ACTN2: variants seen among roughly 807,000 people sequenced by gnomAD.
ACTN2 encodes alpha-actinin-2.
A neutral mutation model predicts 113.8 loss-of-function variants in ACTN2; 39 were observed. The observed-to-expected ratio is 0.34, with a 90% confidence interval of 0.27 to 0.45. The LOEUF (loss-of-function observed/expected upper bound fraction) is 0.45, where lower values mean the gene tolerates loss of function less well. Among genes scored for constraint, ACTN2 ranks in the 20% least tolerant of loss-of-function variants. The probability of loss-of-function intolerance (pLI) is 1.00; values close to 1 mark genes in which losing one functional copy is unlikely to be tolerated. For missense variants in ACTN2, 992 were observed against 1,177.9 expected (o/e 0.84, Z 2.31); for synonymous variants, 429 against 444.1 (o/e 0.97, Z 0.43).
In ACTN2 at chr1:236,710,901, C is replaced by A. The variant is rs574719412; in HGVS notation, c.127-6957C>A. On this transcript the variant is annotated intron_variant, in intron 1 of 20. Coordinates refer to ENST00000366578, the MANE Select transcript of ACTN2 (RefSeq NM_001103.4). ...GAAACCATCCCCCTTCCCTACCCCC[C>A]ACCCGTGGAAAAATTGTCTTCCACG... Among the ~76,000 whole-genome samples, 11 of 152,278 alleles carry A rather than the reference C, an allele frequency of 7.2e-5. No homozygotes were observed. The East Asian group carries it at 1.5e-3, about 21-fold the overall frequency.
intron 1 of ACTN2, among the ~76,000 whole-genome samples, chr1:236,703,161 G>A (rs918240023): frequency 2.0e-5 from 3 of 152,124 alleles, no homozygotes; most frequent in African/African-American, 4.8e-5. Context: ...CATCTTGCAC[G>A]TAATTACCCA....
rs534230972 is a variant in ACTN2, at chr1:236,730,031, C to T, written c.616-1202C>T. Among the ~76,000 whole-genome samples the T allele has an allele frequency of 1.1e-3, 166 of 152,348 alleles. 1 individual carries two copies. The highest frequency in any genetic ancestry group is 2.4e-3 in the Admixed American group (36 of 15,306). ...ATATATGCATATGTATGAAATCCCA[C>T]GTGCACATTTAATCTTCACAATGCA... On this transcript the variant is annotated intron_variant, in intron 6 of 20. Coordinates refer to ENST00000366578, the MANE Select transcript of ACTN2 (RefSeq NM_001103.4).
chr1:236,695,310 G>A lies in ACTN2; in HGVS notation c.126+8511G>A, dbSNP rs185338510. ...TGAAAATCACTTGAACCTGGGAGGC[G>A]GCGGCTGCTGTGAGCCAAGATCATG... On this transcript the variant is annotated intron_variant, in intron 1 of 20. Coordinates refer to ENST00000366578, the MANE Select transcript of ACTN2 (RefSeq NM_001103.4). Among the ~76,000 whole-genome samples, 123 of 150,560 alleles carry A rather than the reference G, an allele frequency of 8.2e-4. No individual in the cohort carries two copies. The East Asian group carries it at 0.023, about 28-fold the overall frequency.
At chr1:236,759,903 C>T (rs1461115295) in intron 19 of ACTN2, 114 bp downstream of exon 19, 2 of 917,720 alleles carry the variant, frequency 2.2e-6, no homozygotes, top group East Asian at 5.2e-5. Flanking sequence ...GGTTCGTTTT[C>T]ATTATATAGG....
chr1:236,744,585 G>C (rs1659168517), intron 11 of ACTN2, 41 bp from the exon 12 acceptor site: 1 of 1,611,520 alleles, frequency 6.2e-7, no homozygotes. Flanking sequence ...AAGCCGCTGT[G>C]CCCTCAGCAT....
chr1:236,690,546 A>C (rs1057363726), intron 1 of ACTN2, among the ~76,000 whole-genome samples: 2 of 152,154 alleles, frequency 1.3e-5, no homozygotes, highest in African/African-American at 4.8e-5. Context: ...GTCTTTCTTA[A>C]CTCACAGGGT....
Position 236,749,166 on chromosome 1 carries a change from G to A in ACTN2, c.1558G>A (p.Glu520Lys). The A allele has an allele frequency of 6.2e-7, 1 of 1,614,166 alleles. No homozygotes were observed. The highest frequency in any genetic ancestry group is 2.2e-5 in the East Asian group (1 of 44,878). The change falls in exon 14 of 21, where the codon GAG becomes AAG. Residue 520 changes from glutamate to lysine, a missense_variant. Glu to Lys is a moderately conservative substitution (Grantham distance 56). Coordinates refer to ENST00000366578, the MANE Select transcript of ACTN2 (RefSeq NM_001103.4). ...AGAAACCATTGATCAGCTTCACCTG[G>A]AGTTTGCCAAGAGGGCTGCTCCTTT... is the stretch of plus-strand genomic sequence containing the variant. ...LLETIDQLHL[E>K]FAKRAAPFNN...
Position 236,757,486 on chromosome 1 carries a change from C to T in ACTN2, c.2155C>T (p.His719Tyr). The T allele has an allele frequency of 6.2e-7, 1 of 1,614,112 alleles. No homozygotes were observed. The highest frequency in any genetic ancestry group is 8.5e-7 in the Non-Finnish European group (1 of 1,180,002). ...DNKHTNYTMEHIRVGWELLLT... is the reference protein window; with the variant it reads ...DNKHTNYTMEYIRVGWELLLT... ...GATCTTTCCCCTTTTCCCTCAATAG[C>T]ACATTCGTGTTGGATGGGAGCTGCT... The change falls in exon 18 of 21, where the codon CAC becomes TAC. Residue 719 changes from histidine to tyrosine, a missense_variant and splice_region_variant. Physicochemically the swap from His to Tyr is moderately conservative, Grantham distance 83 (BLOSUM62 2). Coordinates refer to ENST00000366578, the MANE Select transcript of ACTN2 (RefSeq NM_001103.4).
Position 236,747,682 on chromosome 1 carries a change from C to T in ACTN2, c.1422C>T (p.His474=), listed in dbSNP as rs1282303942. The T allele has an allele frequency of 1.2e-5, 19 of 1,613,834 alleles. No homozygotes were observed. The highest frequency in any genetic ancestry group is 8.9e-5 in the East Asian group (4 of 44,896). The change falls in exon 13 of 21, where the codon CAC becomes CAT. Residue 474 remains histidine (H), a synonymous_variant. Coordinates refer to ENST00000366578, the MANE Select transcript of ACTN2 (RefSeq NM_001103.4). ...IAQELNELDY[H]DAVNVNDRCQ... Reference sequence around the variant, plus strand: ...CTTTTAATAGTGAACTGGACTATCACGACGCTGTGAATGTCAATGATCGGT... The same window carrying T: ...CTTTTAATAGTGAACTGGACTATCATGACGCTGTGAATGTCAATGATCGGT...
chr1:236,717,754 C>A, intron 1 of ACTN2, 104 bp from the exon 2 acceptor site: 3 of 800,220 alleles, frequency 3.7e-6, no homozygotes, highest in South Asian at 1.4e-5. Context: ...GCAGCCCCAG[C>A]CTTGTAGATT....
chr1:236,720,860 A>C (rs927413599), intron 4 of ACTN2, among the ~76,000 whole-genome samples: 3 of 152,106 alleles, frequency 2.0e-5, no homozygotes, highest in African/African-American at 7.2e-5. Flanking sequence ...CAAAGTGTAT[A>C]ACTGCAGAAT....
chr1:236,695,570 C>CA (rs1250064720), intron 1 of ACTN2, among the ~76,000 whole-genome samples: 4 of 117,782 alleles, frequency 3.4e-5, no homozygotes, highest in South Asian at 3.4e-4. Flanking sequence ...AGTTCCCCCC[C>CA]CCTGCCCAGA....
chr1:236,729,853 G>C (rs999787170), intron 6 of ACTN2, among the ~76,000 whole-genome samples: 2 of 152,158 alleles, frequency 1.3e-5, no homozygotes, highest in African/African-American at 2.4e-5. Context: ...ATTTATTATG[G>C]TCAGTTTGTA....
chr1:236,687,704 G>C (rs1450313397), intron 1 of ACTN2, among the ~76,000 whole-genome samples: 1 of 152,254 alleles, frequency 6.6e-6, no homozygotes, highest in Non-Finnish European at 1.5e-5. Flanking sequence ...TGGATAGCCT[G>C]TGGTGACCAT....
In ACTN2 at chr1:236,717,896, C is replaced by T. The variant is rs193922634; in HGVS notation, c.165C>T (p.Ala55=). The change falls in exon 2 of 21, where the codon GCC becomes GCT. Residue 55 remains alanine (A), a synonymous_variant. Coordinates refer to ENST00000366578, the MANE Select transcript of ACTN2 (RefSeq NM_001103.4). ...TAWCNSHLRK[A]GTQIENIEED... is the part of the protein sequence containing the mutation. Reference sequence around the variant, plus strand: ...GGTGTAACTCCCACCTAAGGAAAGCCGGCACCCAGATTGAGAACATCGAGG... The same window carrying T: ...GGTGTAACTCCCACCTAAGGAAAGCTGGCACCCAGATTGAGAACATCGAGG... 8.6e-5 allele frequency: 139 copies of T among 1,614,028 alleles called. 4 individuals are homozygous for T. Among genetic ancestry groups the T allele is most frequent in the South Asian group, 8.3e-4 (76 of 91,064 alleles).
At chr1:236,753,769 G>T (rs1385909420) in intron 15 of ACTN2, 178 bp from the exon 16 acceptor site, 2 of 769,254 alleles carry the variant, frequency 2.6e-6, no homozygotes, top group East Asian at 2.5e-5. Context: ...TCATCCTGTA[G>T]TCCCTAGACT....
chr1:236,750,163 C>A (rs1300215368), intron 14 of ACTN2, among the ~76,000 whole-genome samples: 1 of 151,990 alleles, frequency 6.6e-6, no homozygotes, highest in Non-Finnish European at 1.5e-5. Context: ...AGAATTTGTA[C>A]AGTGAATTTG....
At chr1:236,757,374 T>G in intron 17 of ACTN2, 112 bp from the exon 18 acceptor site, 2 of 1,367,196 alleles carry the variant, frequency 1.5e-6, no homozygotes, top group Non-Finnish European at 1.0e-6. Flanking sequence ...AAGGCTATCA[T>G]GAGCCCTGCT....
chr1:236,715,080 T>G (rs1436773534), intron 1 of ACTN2, among the ~76,000 whole-genome samples: 1 of 152,220 alleles, frequency 6.6e-6, no homozygotes, highest in Non-Finnish European at 1.5e-5. Flanking sequence ...GGGTAGGGCA[T>G]TGGGTAGCCA....
Sources: gnomAD v4.1 joint callset for allele counts (sites outside exome capture counted in the v4.1 genomes callset) on GRCh38, gnomAD v4.1.1 for gene constraint, MANE v1.5 for transcripts, NCBI Gene and HGNC (gene_info 2026-07-23, HGNC 2026-07-21) for gene names.